TBC1D1: variants seen among roughly 807,000 people sequenced by gnomAD.
TBC1D1 encodes TBC1 domain family member 1, also known as TBC1 (tre-2/USP6, BUB2, cdc16) domain family, member 1.
TBC1D1 carries 89 observed loss-of-function variants against 125.6 expected under a neutral mutation model. The ratio of observed to expected loss-of-function variants is 0.71; its 90% CI spans 0.60 to 0.85. TBC1D1 has a LOEUF of 0.85. Ranked by LOEUF, TBC1D1 falls within the 40% of genes least tolerant of loss-of-function variation. TBC1D1 has a pLI of 0.00. For missense variants in TBC1D1, 1,377 were observed against 1,469.2 expected, an observed-to-expected ratio of 0.94 and a Z score of 1.03; for synonymous variants, 565 against 564.1, an observed-to-expected ratio of 1.00 and a Z score of -0.02.
At chr4:37,952,712 G>A (rs1728146295) in intron 2 of TBC1D1, 2 of 152,542 alleles carry the variant, frequency 1.3e-5, no homozygotes, top group Non-Finnish European at 2.9e-5. Context: ...GTTGGTAGGT[G>A]CAGCAAACCA....
chr4:38,070,945 T>C (rs2152510735), intron 12 of TBC1D1, among the ~76,000 whole-genome samples: 1 of 152,346 alleles, frequency 6.6e-6, no homozygotes, highest in East Asian at 1.9e-4. Context: ...TTCAGATTTG[T>C]TGGAAATGGA....
At chr4:38,096,836 A>C (rs949014666) in intron 14 of TBC1D1, among the ~76,000 whole-genome samples, 1 of 151,878 alleles carries the variant, frequency 6.6e-6, no homozygotes, top group African/African-American at 2.4e-5. Context: ...ATTTATTTTT[A>C]CTGTATCGTA....
chr4:38,095,259 T>A (rs997825733), intron 13 of TBC1D1, among the ~76,000 whole-genome samples: 3 of 152,124 alleles, frequency 2.0e-5, no homozygotes, highest in African/African-American at 7.2e-5. Flanking sequence ...AAATAAGAGG[T>A]TGGGTCCAGG....
At chr4:38,032,984 T>G (rs986414851) in intron 7 of TBC1D1, among the ~76,000 whole-genome samples, 9 of 152,220 alleles carry the variant, frequency 5.9e-5, no homozygotes, top group African/African-American at 2.2e-4. Context: ...CTTGATTGTG[T>G]ATAACACCAT....
rs75881954 is a variant in TBC1D1 at position 38,021,455 on chromosome 4, T to C, written c.1078-131T>C. The C allele has an allele frequency of 2.8e-3, 1,889 of 679,906 alleles. 27 individuals carry two copies. The African/African-American group carries it at 0.032, about 11-fold the overall frequency. The allele number at this position is 679,906 out of a possible 1,614,324, so 42.1% of individuals were successfully genotyped here. ...TAGCTGTTATTCCAATTATTATCTGTCAACCTGTGAAGAGTAGTACAGAAA... is the reference window on the plus strand; with the variant it reads ...TAGCTGTTATTCCAATTATTATCTGCCAACCTGTGAAGAGTAGTACAGAAA... On this transcript the variant is annotated intron_variant, in intron 5 of 19. Transcript: ENST00000261439.
At chr4:38,075,649 G>A (rs773608772) in intron 12 of TBC1D1, among the ~76,000 whole-genome samples, 4 of 152,150 alleles carry the variant, frequency 2.6e-5, no homozygotes, top group Non-Finnish European at 2.9e-5. Flanking sequence ...CTCAGATCAC[G>A]TCCAGATAAG....
intron 8 of TBC1D1, among the ~76,000 whole-genome samples, chr4:38,040,381 C>G (rs1237644077): frequency 1.3e-5 from 2 of 152,148 alleles, no homozygotes; most frequent in Non-Finnish European, 2.9e-5. Flanking sequence ...CTCCGCCTCC[C>G]GGGTTCAAGC....
chr4:38,052,482 C>A (rs1750798901), intron 11 of TBC1D1, among the ~76,000 whole-genome samples: 1 of 151,640 alleles, frequency 6.6e-6, no homozygotes, highest in Non-Finnish European at 1.5e-5. Flanking sequence ...CAGGCACACG[C>A]CACCATGCCC....
intron 15 of TBC1D1, among the ~76,000 whole-genome samples, chr4:38,112,610 G>A (rs115077091): frequency 4.3e-4 from 65 of 152,326 alleles, no homozygotes; most frequent in African/African-American, 1.5e-3. Context: ...TGAGCTTCAC[G>A]TGCCAGAGGC....
At chr4:38,067,256 CTA>C (rs1306351989) in intron 12 of TBC1D1, among the ~76,000 whole-genome samples, 1 of 152,140 alleles carries the variant, frequency 6.6e-6, no homozygotes, top group East Asian at 1.9e-4. Context: ...TAGTACCAAA[CTA>C]TGAATTTTAT....
chr4:37,996,446 T>C lies in TBC1D1; in HGVS notation c.418-18063T>C, dbSNP rs1737817031. 3.9e-5 allele frequency among the ~76,000 whole-genome samples: 6 copies of C among 152,340 alleles called. No homozygotes were observed. In the South Asian group the frequency reaches 1.2e-3, roughly 32 times the overall value. On this transcript the variant is annotated intron_variant, in intron 2 of 19. Coordinates refer to ENST00000261439, the MANE Select transcript of TBC1D1 (RefSeq NM_015173.4). Reference sequence around the variant, plus strand: ...ATCCTTTATTGGCAAAAGTTCTGATTTGCCTGTTGATCAAAGTTAAAGAAA... The same window carrying C: ...ATCCTTTATTGGCAAAAGTTCTGATCTGCCTGTTGATCAAAGTTAAAGAAA...
intron 15 of TBC1D1, among the ~76,000 whole-genome samples, chr4:38,108,122 A>T (rs1170292064): frequency 6.6e-6 from 1 of 152,060 alleles, no homozygotes; most frequent in African/African-American, 2.4e-5. Flanking sequence ...TTGACTCTCT[A>T]TCCTGGGTAG....
chr4:38,109,491 C>G (rs893258198), intron 15 of TBC1D1, among the ~76,000 whole-genome samples: 2 of 152,126 alleles, frequency 1.3e-5, no homozygotes, highest in South Asian at 4.1e-4. Flanking sequence ...ATAACCAGCT[C>G]CTCTCACCCC....
intron 12 of TBC1D1, among the ~76,000 whole-genome samples, chr4:38,065,855 G>A (rs954957127): frequency 7.9e-5 from 12 of 152,130 alleles, no homozygotes; most frequent in African/African-American, 2.9e-4. Flanking sequence ...TCGCCATGTT[G>A]GGCAGGCTGG....
intron 1 of TBC1D1, among the ~76,000 whole-genome samples, chr4:37,894,635 A>C (rs1714146696): frequency 6.6e-6 from 1 of 152,184 alleles, no homozygotes; most frequent in Non-Finnish European, 1.5e-5. Flanking sequence ...AGAATTAGTG[A>C]ATTTATACAT....
intron 14 of TBC1D1, among the ~76,000 whole-genome samples, chr4:38,102,306 T>G (rs2152557805): frequency 6.6e-6 from 1 of 150,786 alleles, no homozygotes; most frequent in East Asian, 1.9e-4. Context: ...TTCCTTTTGA[T>G]TCTCTCTGCT....
intron 2 of TBC1D1, among the ~76,000 whole-genome samples, chr4:37,992,784 T>C (rs1736897019): frequency 6.8e-6 from 1 of 147,508 alleles, no homozygotes; most frequent in South Asian, 2.2e-4. Context: ...TGAGCCACCA[T>C]GCCTGGCCGA....
intron 2 of TBC1D1, among the ~76,000 whole-genome samples, chr4:37,905,816 G>A (rs780163624): frequency 6.6e-6 from 1 of 152,148 alleles, no homozygotes; most frequent in Non-Finnish European, 1.5e-5. Context: ...TTAGGATTGC[G>A]CTGGTAAAAC....
At chr4:38,102,874 CTG>C (rs1760621058) in intron 14 of TBC1D1, 123 bp from the exon 17 acceptor site, 1 of 1,110,108 alleles carries the variant, frequency 9.0e-7, no homozygotes, top group Non-Finnish European at 1.3e-6. Context: ...AAGCCAGACT[CTG>C]TCTCAAAAAA....
Sources: allele counts gnomAD v4.1 joint callset (sites outside exome capture counted in the v4.1 genomes callset), GRCh38; gene constraint gnomAD v4.1.1; transcripts MANE v1.5; gene names NCBI Gene and HGNC (gene_info 2026-07-23, HGNC 2026-07-21).